The following NPAS3 variants were observed in gnomAD, a reference collection of about 807,000 sequenced individuals.
NPAS3 encodes neuronal PAS domain protein 3.
NPAS3 carries 14 observed loss-of-function variants against 73.1 expected under a neutral mutation model. The ratio of observed to expected loss-of-function variants is 0.19; its 90% CI spans 0.13 to 0.30. NPAS3 has a LOEUF of 0.30. Ranked by LOEUF, NPAS3 falls within the 10% of genes least tolerant of loss-of-function variation. The pLI is 1.00. For synonymous variants in NPAS3, 620 were observed against 541.5 expected, an observed-to-expected ratio of 1.14 and a Z score of -2.01; for missense variants, 1,096 against 1,250.0, an observed-to-expected ratio of 0.88 and a Z score of 1.86.
intron 1 of NPAS3, among the ~76,000 whole-genome samples, chr14:32,945,169 C>G (rs2036199185): frequency 6.6e-6 from 1 of 152,002 alleles, no homozygotes; most frequent in African/African-American, 2.4e-5. Context: ...TCTTTTTTCA[C>G]TTCTGTTAGC....
intron 6 of NPAS3, among the ~76,000 whole-genome samples, chr14:33,707,763 T>C (rs951173169): frequency 6.6e-6 from 1 of 152,128 alleles, no homozygotes; most frequent in African/African-American, 2.4e-5. Flanking sequence ...GCCTTTCCTC[T>C]AGCCCTTCCA....
intron 3 of NPAS3, among the ~76,000 whole-genome samples, chr14:33,279,280 A>G (rs991280203): frequency 6.6e-6 from 1 of 152,168 alleles, no homozygotes; most frequent in African/African-American, 2.4e-5. Flanking sequence ...GGTAATAATA[A>G]TAATGACTAT....
At chr14:33,251,291 G>A (rs753099955) in intron 3 of NPAS3, among the ~76,000 whole-genome samples, 3 of 152,118 alleles carry the variant, frequency 2.0e-5, no homozygotes, top group Non-Finnish European at 4.4e-5. Context: ...GTCTGTGAAT[G>A]AGTTAAGGGG....
At chr14:33,292,482 A>G (rs925391732) in intron 3 of NPAS3, among the ~76,000 whole-genome samples, 2 of 152,070 alleles carry the variant, frequency 1.3e-5, no homozygotes, top group Non-Finnish European at 2.9e-5. Flanking sequence ...AAAAATAAAA[A>G]TCACCCCTTC....
chr14:33,746,199 A>ATTTTTTTT (rs1555326917), intron 7 of NPAS3, among the ~76,000 whole-genome samples: 2,173 of 148,956 alleles, frequency 0.015, 69 homozygotes, highest in African/African-American at 0.051. Context: ...TTATTTATTT[A>ATTTTTTTT]TTTTTTTGAG....
At chr14:33,647,901 T>C (rs994926077) in intron 5 of NPAS3, among the ~76,000 whole-genome samples, 1 of 152,186 alleles carries the variant, frequency 6.6e-6, no homozygotes, top group Non-Finnish European at 1.5e-5. Flanking sequence ...GGCAGGCCCA[T>C]TGTATAGAAC....
At chr14:33,528,621 G>A (rs2140156166) in intron 4 of NPAS3, among the ~76,000 whole-genome samples, 1 of 152,004 alleles carries the variant, frequency 6.6e-6, no homozygotes, top group East Asian at 1.9e-4. Flanking sequence ...TCTAACCCAA[G>A]CCTCTTCCCA....
At chr14:33,564,440 C>G (rs2055821901) in intron 5 of NPAS3, among the ~76,000 whole-genome samples, 1 of 152,194 alleles carries the variant, frequency 6.6e-6, no homozygotes, top group Admixed American at 6.5e-5. Flanking sequence ...ACACAGCAAA[C>G]ACAAAGACCC....
intron 8 of NPAS3, among the ~76,000 whole-genome samples, chr14:33,777,512 T>C (rs2062856741): frequency 6.6e-6 from 1 of 152,072 alleles, no homozygotes; most frequent in South Asian, 2.1e-4. Context: ...AAATGTGTCA[T>C]TTCTAAAGAT....
intron 2 of NPAS3, among the ~76,000 whole-genome samples, chr14:33,077,800 G>C (rs2041716541): frequency 4.6e-5 from 1 of 21,922 alleles, no homozygotes; most frequent in Non-Finnish European, 1.6e-4. Flanking sequence ...GCCCCTTTTG[G>C]CTTCAATTTA....
intron 4 of NPAS3, among the ~76,000 whole-genome samples, chr14:33,525,189 A>G (rs1274366808): frequency 2.0e-5 from 3 of 152,220 alleles, no homozygotes; most frequent in Non-Finnish European, 4.4e-5. Flanking sequence ...AAACTTAAAG[A>G]GCCATTCAGT....
chr14:33,615,650 C>G (rs1024123629), intron 5 of NPAS3, among the ~76,000 whole-genome samples: 1 of 152,038 alleles, frequency 6.6e-6, no homozygotes, highest in Non-Finnish European at 1.5e-5. Context: ...TTCATGTGCC[C>G]CTTTGCTATA....
At chr14:33,051,195 A>AC (rs1310949586) in intron 1 of NPAS3, among the ~76,000 whole-genome samples, 1 of 149,462 alleles carries the variant, frequency 6.7e-6, no homozygotes, top group Non-Finnish European at 1.5e-5. Flanking sequence ...AATGGCGTGA[A>AC]CCCAGGAAGC....
At chr14:33,602,648 T>C (rs1232032575) in intron 5 of NPAS3, among the ~76,000 whole-genome samples, 3 of 152,326 alleles carry the variant, frequency 2.0e-5, no homozygotes. Flanking sequence ...ATCCAGTGCT[T>C]AATGGCATTA....
intron 7 of NPAS3, among the ~76,000 whole-genome samples, chr14:33,752,543 C>T (rs550633710): frequency 6.6e-6 from 1 of 152,316 alleles, no homozygotes; most frequent in South Asian, 2.1e-4. Context: ...TAAAGCAACA[C>T]AGAGCTGATG....
chr14:33,187,490 A>G (rs1480938813), intron 2 of NPAS3, among the ~76,000 whole-genome samples: 1 of 27,454 alleles, frequency 3.6e-5, no homozygotes, highest in Non-Finnish European at 6.8e-5. Context: ...CTCTGGACTT[A>G]AAAAAAATTA....
intron 5 of NPAS3, among the ~76,000 whole-genome samples, chr14:33,665,853 T>G (rs2059436952): frequency 6.6e-6 from 1 of 152,000 alleles, no homozygotes; most frequent in Non-Finnish European, 1.5e-5. Flanking sequence ...TGTGTTCACC[T>G]ACTGGGAAAA....
intron 1 of NPAS3, among the ~76,000 whole-genome samples, chr14:32,966,870 T>G (rs1326045885): frequency 6.6e-6 from 1 of 151,580 alleles, no homozygotes; most frequent in African/African-American, 2.4e-5. Flanking sequence ...TGAACAAGGA[T>G]TTTTTTGAAT....
chr14:33,173,654 T>C (rs1012714673), intron 2 of NPAS3, among the ~76,000 whole-genome samples: 3 of 152,218 alleles, frequency 2.0e-5, no homozygotes, highest in Non-Finnish European at 1.5e-5. Context: ...ACAGTGTATG[T>C]TTAACCAGGA....
Sources: allele counts gnomAD v4.1 joint callset (sites outside exome capture counted in the v4.1 genomes callset), GRCh38; gene constraint gnomAD v4.1.1; transcripts MANE v1.5; gene names NCBI Gene and HGNC (gene_info 2026-07-23, HGNC 2026-07-21).